The following MACROD2 variants were observed in gnomAD, a reference collection of about 807,000 sequenced individuals.
The protein encoded by MACROD2 is mono-ADP ribosylhydrolase 2.
In MACROD2, 36 loss-of-function variants were observed where a neutral mutation model predicts 70.4. The ratio of observed to expected loss-of-function variants is 0.51; its 90% CI spans 0.39 to 0.68. MACROD2 has a LOEUF of 0.68. Ranked by LOEUF, MACROD2 falls within the 30% of genes least tolerant of loss-of-function variation. The pLI is 0.00. For missense variants in MACROD2, 496 were observed against 538.4 expected (o/e 0.92, Z 0.78); for synonymous variants, 172 against 178.8 (o/e 0.96, Z 0.30).
At chr20:15,433,262 C>T (rs2046386064) in intron 7 of MACROD2, among the ~76,000 whole-genome samples, 1 of 151,854 alleles carries the variant, frequency 6.6e-6, no homozygotes, top group African/African-American at 2.4e-5. Context: ...AGAAGTTAGA[C>T]TGTTGCTGTT....
chr20:15,695,080 C>A (rs2050348125), intron 8 of MACROD2, among the ~76,000 whole-genome samples: 2 of 152,070 alleles, frequency 1.3e-5, no homozygotes, highest in South Asian at 4.1e-4. Context: ...GGTCTATGTG[C>A]CCATTTTTAT....
chr20:14,314,637 G>A (rs2082597242), intron 3 of MACROD2, among the ~76,000 whole-genome samples: 2 of 152,132 alleles, frequency 1.3e-5, no homozygotes, highest in South Asian at 2.1e-4. Context: ...GTGCATGCCT[G>A]TAATCCCAGC....
chr20:14,156,149 C>A (rs2055099505), intron 3 of MACROD2, among the ~76,000 whole-genome samples: 1 of 151,750 alleles, frequency 6.6e-6, no homozygotes, highest in Non-Finnish European at 1.5e-5. Context: ...GCGACAAAGT[C>A]TCAAAAAAAA....
intron 3 of MACROD2, among the ~76,000 whole-genome samples, chr20:14,260,001 A>G (rs149669485): frequency 1.3e-5 from 2 of 152,332 alleles, no homozygotes; most frequent in East Asian, 1.9e-4. Flanking sequence ...TGCTCTTGCC[A>G]AAGTGTAGTG....
chr20:15,975,961 A>G (rs1473303277), intron 13 of MACROD2, among the ~76,000 whole-genome samples: 2 of 152,230 alleles, frequency 1.3e-5, no homozygotes, highest in Non-Finnish European at 1.5e-5. Context: ...AGAAATTTTT[A>G]TAAAAGTACA....
At chr20:14,659,953 T>C (rs889530154) in intron 4 of MACROD2, among the ~76,000 whole-genome samples, 3 of 152,222 alleles carry the variant, frequency 2.0e-5, no homozygotes, top group Admixed American at 2.0e-4. Context: ...GATTCTTTTA[T>C]TTATGACTCT....
rs11467530 is a variant in MACROD2 at position 15,744,693 on chromosome 20, TACACACACACACACACACAC to T, written c.646-118027_646-118008del. Among the ~76,000 whole-genome samples the T allele has an allele frequency of 3.4e-4, 51 of 148,336 alleles. 1 individual carries two copies. The South Asian group carries it at 6.3e-3, about 18-fold the overall frequency. The stretch of plus-strand genomic sequence containing the variant: ...GTTGCAAAGAGACAGAAACCAAGTA[TACACACACACACACACACAC>T]ACACACACACACACACACACACACT... On this transcript the variant is annotated intron_variant, in intron 8 of 17. Coordinates refer to ENST00000684519, the MANE Select transcript of MACROD2 (RefSeq NM_001351661.2).
At chr20:15,198,518 T>C (rs1405209358) in intron 5 of MACROD2, among the ~76,000 whole-genome samples, 1 of 152,218 alleles carries the variant, frequency 6.6e-6, no homozygotes, top group Non-Finnish European at 1.5e-5. Flanking sequence ...TTTACATTTG[T>C]ATACTAGAGA....
chr20:14,313,333 C>G (rs1568550174), intron 3 of MACROD2, among the ~76,000 whole-genome samples: 1 of 152,102 alleles, frequency 6.6e-6, no homozygotes. Context: ...CACATTTGTT[C>G]TGTCCCAAGT....
intron 8 of MACROD2, among the ~76,000 whole-genome samples, chr20:15,700,795 G>C (rs8123014): frequency 0.33 from 49,529 of 152,004 alleles, 10,312 homozygotes; most frequent in African/African-American, 0.6. Context: ...GACTTAATAA[G>C]CACACGTATA....
At chr20:15,902,035 G>A (rs1230460225) in intron 10 of MACROD2, among the ~76,000 whole-genome samples, 1 of 152,288 alleles carries the variant, frequency 6.6e-6, no homozygotes, top group African/African-American at 2.4e-5. Context: ...CCCTTCCAGC[G>A]ATCCACAAGG....
At chr20:14,955,746 A>G (rs1047087428) in intron 5 of MACROD2, among the ~76,000 whole-genome samples, 2 of 151,984 alleles carry the variant, frequency 1.3e-5, no homozygotes, top group African/African-American at 4.8e-5. Context: ...GATTTCTTTT[A>G]AATTTGTTTC....
intron 6 of MACROD2, among the ~76,000 whole-genome samples, chr20:15,264,946 A>G (rs445182): frequency 0.92 from 140,722 of 152,178 alleles, 65,383 homozygotes; most frequent in African/African-American, 0.97. Context: ...CTGCTTCTTT[A>G]GTTAAAAGCA....
At chr20:15,775,654 A>G (rs1263957840) in intron 8 of MACROD2, among the ~76,000 whole-genome samples, 2 of 152,132 alleles carry the variant, frequency 1.3e-5, no homozygotes, top group East Asian at 3.9e-4. Flanking sequence ...TTTATGATAC[A>G]CTTTGCTAGA....
chr20:14,210,095 A>G (rs746076702), intron 3 of MACROD2, among the ~76,000 whole-genome samples: 1 of 152,236 alleles, frequency 6.6e-6, no homozygotes, highest in Non-Finnish European at 1.5e-5. Flanking sequence ...TAGCTAAATT[A>G]TATACATATG....
intron 8 of MACROD2, among the ~76,000 whole-genome samples, chr20:15,717,089 C>T (rs1045500628): frequency 9.2e-5 from 14 of 152,272 alleles, no homozygotes; most frequent in African/African-American, 2.4e-4. Context: ...TAAATATATC[C>T]TCTGAAATAA....
rs563318572 is a variant in MACROD2, at chr20:14,828,160, C to G, written c.418+143201C>G. ...TTCTTCTGTATATGTATACAATTTT[C>G]CTATGTTTGCTTTATATATATTGTT... On this transcript the variant is annotated intron_variant, in intron 5 of 17. Coordinates refer to ENST00000684519, the MANE Select transcript of MACROD2 (RefSeq NM_001351661.2). 1.1e-4 allele frequency among the ~76,000 whole-genome samples: 17 copies of G among 151,994 alleles called. No individual in the cohort carries two copies. The East Asian group carries it at 3.3e-3, about 29-fold the overall frequency.
In MACROD2 at chr20:15,788,385, G is replaced by A. The variant is rs58995211; in HGVS notation, c.646-74360G>A. On this transcript the variant is annotated intron_variant, in intron 8 of 17. Coordinates refer to ENST00000684519, the MANE Select transcript of MACROD2 (RefSeq NM_001351661.2). The stretch of plus-strand genomic sequence containing the variant: ...AGTGGAACTGAAGTTCTTAAGAGGG[G>A]CTCAGGAGGCTGACTCATTGTTTCC... Among the ~76,000 whole-genome samples the A allele has an allele frequency of 0.031, 4,755 of 152,188 alleles. 365 individuals are homozygous for A. In the East Asian group the frequency reaches 0.32, roughly 10 times the overall value.
chr20:15,615,296 A>C (rs544755210), intron 8 of MACROD2, among the ~76,000 whole-genome samples: 5 of 152,350 alleles, frequency 3.3e-5, no homozygotes, highest in African/African-American at 1.2e-4. Context: ...AAACTTCTGC[A>C]CACTGTTAAC....
Sources: gnomAD v4.1 joint callset for allele counts (sites outside exome capture counted in the v4.1 genomes callset) on GRCh38, gnomAD v4.1.1 for gene constraint, MANE v1.5 for transcripts, NCBI Gene and HGNC (gene_info 2026-07-23, HGNC 2026-07-21) for gene names.